RIMS2: variants seen among roughly 807,000 people sequenced by gnomAD.
The protein encoded by RIMS2 is regulating synaptic membrane exocytosis protein 2.
A neutral mutation model predicts 174.4 loss-of-function variants in RIMS2; 59 were observed. That is an observed-to-expected ratio of 0.34 (90% CI 0.27 to 0.42). RIMS2 has a LOEUF of 0.42. Ranked by LOEUF, RIMS2 falls within the 10% of genes least tolerant of loss-of-function variation. The pLI is 1.00. For synonymous variants in RIMS2, 606 were observed against 572.5 expected (o/e 1.06, Z -0.84); for missense variants, 1,620 against 1,666.3 (o/e 0.97, Z 0.48).
intron 17 of RIMS2, among the ~76,000 whole-genome samples, chr8:103,995,891 T>TTA (rs1565746739): frequency 6.6e-6 from 1 of 151,832 alleles, no homozygotes; most frequent in Non-Finnish European, 1.5e-5. Context: ...TCTGAGTTAT[T>TTA]TAGGCATCAG....
chr8:103,662,720 A>ATC (rs1287013534), intron 1 of RIMS2, among the ~76,000 whole-genome samples: 3 of 148,984 alleles, frequency 2.0e-5, no homozygotes, highest in African/African-American at 7.4e-5. Flanking sequence ...CTATCTATCT[A>ATC]TAGTCTTATA....
intron 3 of RIMS2, among the ~76,000 whole-genome samples, chr8:103,876,909 T>TATATATATAC (rs71297243): frequency 1.2e-3 from 80 of 66,010 alleles, no homozygotes; most frequent in Middle Eastern, 0.013. Flanking sequence ...TATATATATA[T>TATATATATAC]ACACACACAC....
intron 19 of RIMS2, among the ~76,000 whole-genome samples, chr8:104,029,807 T>C (rs1404366250): frequency 2.6e-5 from 4 of 152,216 alleles, no homozygotes; most frequent in African/African-American, 4.8e-5. Context: ...ATGATAACCA[T>C]GTAGCATTTG....
chr8:103,758,084 C>A (rs2098051067), intron 2 of RIMS2, among the ~76,000 whole-genome samples: 1 of 151,978 alleles, frequency 6.6e-6, no homozygotes, highest in African/African-American at 2.4e-5. Context: ...ATTTTTCCCC[C>A]TTCTGTAATA....
chr8:103,763,524 G>A (rs1468705697), intron 2 of RIMS2, among the ~76,000 whole-genome samples: 2 of 151,786 alleles, frequency 1.3e-5, no homozygotes, highest in African/African-American at 4.8e-5. Flanking sequence ...GATAAGGGAA[G>A]GAGGGATACG....
At chr8:104,103,903 A>G (rs1347373171) in intron 19 of RIMS2, among the ~76,000 whole-genome samples, 2 of 152,130 alleles carry the variant, frequency 1.3e-5, no homozygotes, top group African/African-American at 4.8e-5. Context: ...CACAGTCACT[A>G]TATGGGACCC....
intron 1 of RIMS2, among the ~76,000 whole-genome samples, chr8:103,668,718 T>C (rs922655243): frequency 6.6e-6 from 1 of 151,284 alleles, no homozygotes; most frequent in Non-Finnish European, 1.5e-5. Context: ...TCTTGCTCTG[T>C]CACCTAGGCT....
chr8:104,058,994 A>G (rs2096926338), intron 19 of RIMS2, among the ~76,000 whole-genome samples: 1 of 151,852 alleles, frequency 6.6e-6, no homozygotes, highest in Non-Finnish European at 1.5e-5. Flanking sequence ...GTTTGAAGTC[A>G]GGTAACGTGA....
At chr8:104,090,008 C>A (rs1397856948) in intron 19 of RIMS2, among the ~76,000 whole-genome samples, 1 of 151,124 alleles carries the variant, frequency 6.6e-6, no homozygotes, top group Non-Finnish European at 1.5e-5. Flanking sequence ...AGTTTGTAGT[C>A]TAATGGGGGT....
chr8:103,941,347 G>A (rs575554204), intron 13 of RIMS2, among the ~76,000 whole-genome samples: 2 of 152,170 alleles, frequency 1.3e-5, no homozygotes, highest in East Asian at 1.9e-4. Context: ...AATTAGCCAG[G>A]CATGGTGGTG....
chr8:103,755,205 T>C (rs988388629), intron 2 of RIMS2, among the ~76,000 whole-genome samples: 5 of 152,198 alleles, frequency 3.3e-5, no homozygotes, highest in Admixed American at 2.0e-4. Context: ...TTTGACTGGA[T>C]ATGAAATTCT....
intron 1 of RIMS2, among the ~76,000 whole-genome samples, chr8:103,610,904 A>G (rs1415141773): frequency 6.6e-6 from 1 of 151,800 alleles, no homozygotes; most frequent in Non-Finnish European, 1.5e-5. Flanking sequence ...AATGGTATCA[A>G]CTCTTTTCTA....
intron 1 of RIMS2, among the ~76,000 whole-genome samples, chr8:103,567,448 TTTAC>T (rs1358271100): frequency 6.6e-6 from 1 of 152,230 alleles, no homozygotes; most frequent in Non-Finnish European, 1.5e-5. Context: ...TCTGGCTTCT[TTTAC>T]TTAGAATACT....
At chr8:103,900,203 C>T (rs2099320419) in intron 4 of RIMS2, among the ~76,000 whole-genome samples, 1 of 151,608 alleles carries the variant, frequency 6.6e-6, no homozygotes, top group South Asian at 2.1e-4. Flanking sequence ...AAATCCCTTA[C>T]AGACAAGCAA....
chr8:103,586,561 A>C (rs1186443577), intron 1 of RIMS2, among the ~76,000 whole-genome samples: 1 of 152,184 alleles, frequency 6.6e-6, no homozygotes, highest in Admixed American at 6.5e-5. Context: ...GATAATGGAA[A>C]CACAATGTAC....
intron 3 of RIMS2, among the ~76,000 whole-genome samples, chr8:103,824,100 G>T (rs1296732830): frequency 6.6e-6 from 1 of 151,858 alleles, no homozygotes; most frequent in Non-Finnish European, 1.5e-5. Context: ...ATTTACTGTG[G>T]ACCTTAGCAA....
At chr8:104,183,904 GTGAAAGCAACATA>G (rs2098954282) in intron 19 of RIMS2, among the ~76,000 whole-genome samples, 1 of 151,598 alleles carries the variant, frequency 6.6e-6, no homozygotes, top group Non-Finnish European at 1.5e-5. Flanking sequence ...GTTTAAAACT[GTGAAAGCAACATA>G]TTTTGGTAAA....
chr8:103,715,860 C>T (rs1249660554), intron 2 of RIMS2, among the ~76,000 whole-genome samples: 1 of 151,932 alleles, frequency 6.6e-6, no homozygotes, highest in African/African-American at 2.4e-5. Context: ...ATTTTATCTA[C>T]TTTTGATAGT....
intron 19 of RIMS2, among the ~76,000 whole-genome samples, chr8:104,015,622 T>G (rs2095879679): frequency 6.6e-6 from 1 of 152,100 alleles, no homozygotes; most frequent in Admixed American, 6.6e-5. Context: ...TTTTTTTAAC[T>G]TGGAAATTAT....
Sources: gnomAD v4.1 joint callset for allele counts (sites outside exome capture counted in the v4.1 genomes callset) on GRCh38, gnomAD v4.1.1 for gene constraint, MANE v1.5 for transcripts, NCBI Gene and HGNC (gene_info 2026-07-23, HGNC 2026-07-21) for gene names.